Variants in SKAP2 observed in about 807,000 individuals in gnomAD.
SKAP2 encodes src kinase-associated phosphoprotein 2.
In SKAP2, 28 loss-of-function variants were observed where a neutral mutation model predicts 54.9. The ratio of observed to expected loss-of-function variants is 0.51; its 90% CI spans 0.38 to 0.70. SKAP2 has a LOEUF of 0.70. SKAP2 is among the 30% of genes least tolerant of loss of function. The pLI is 0.00. For missense variants in SKAP2, 356 were observed against 424.1 expected (o/e 0.84, Z 1.41); for synonymous variants, 137 against 134.3 (o/e 1.02, Z -0.14).
chr7:26,754,203 A>C (rs779772132), intron 4 of SKAP2, among the ~76,000 whole-genome samples: 4 of 152,040 alleles, frequency 2.6e-5, no homozygotes, highest in African/African-American at 4.8e-5. Flanking sequence ...TTCTCCACTG[A>C]AAATACAAAA....
At chr7:26,739,840 T>C in intron 5 of SKAP2, 47 bp downstream of exon 5, 1 of 1,339,046 alleles carries the variant, frequency 7.5e-7, no homozygotes, top group Non-Finnish European at 1.1e-6. Context: ...ATGTTCTATC[T>C]AAGGATGAAA....
At chr7:26,684,907 A>G (rs1786597157) in intron 10 of SKAP2, 59 bp from the exon 11 acceptor site, 3 of 953,154 alleles carry the variant, frequency 3.1e-6, no homozygotes, top group Admixed American at 4.0e-5. Context: ...CCCTCATTTC[A>G]AAATTAACCA....
chr7:26,758,140 G>A (rs902329245), intron 4 of SKAP2, among the ~76,000 whole-genome samples: 18 of 151,892 alleles, frequency 1.2e-4, no homozygotes, highest in African/African-American at 4.1e-4. Context: ...TAAAACTCAG[G>A]AAAAAAGTCT....
intron 1 of SKAP2, among the ~76,000 whole-genome samples, chr7:26,860,404 A>G (rs991759399): frequency 6.6e-6 from 1 of 152,170 alleles, no homozygotes; most frequent in African/African-American, 2.4e-5. Flanking sequence ...AGAAAAGAAT[A>G]TCTTGGAGGT....
chr7:26,805,684 G>A (rs563488708), intron 4 of SKAP2, among the ~76,000 whole-genome samples: 3 of 152,184 alleles, frequency 2.0e-5, no homozygotes, highest in African/African-American at 2.4e-5. Context: ...TCAAACTTTC[G>A]GATCACTGCA....
intron 4 of SKAP2, among the ~76,000 whole-genome samples, chr7:26,802,537 T>C (rs1783937817): frequency 1.3e-5 from 2 of 152,076 alleles, no homozygotes; most frequent in African/African-American, 2.4e-5. Flanking sequence ...TCCCAAAGTG[T>C]TGGGATTATA....
chr7:26,785,873 T>A (rs1445632827), intron 4 of SKAP2, among the ~76,000 whole-genome samples: 1 of 152,162 alleles, frequency 6.6e-6, no homozygotes, highest in Non-Finnish European at 1.5e-5. Flanking sequence ...ATGCTCCATC[T>A]ACCATAAGAC....
At chr7:26,759,879 A>G (rs575521430) in intron 4 of SKAP2, among the ~76,000 whole-genome samples, 15 of 152,328 alleles carry the variant, frequency 9.8e-5, no homozygotes, top group African/African-American at 3.4e-4. Context: ...TGTGTGAAGT[A>G]AAAGTGACAG....
intron 4 of SKAP2, among the ~76,000 whole-genome samples, chr7:26,831,711 A>C (rs1784599352): frequency 6.6e-6 from 1 of 152,170 alleles, no homozygotes; most frequent in African/African-American, 2.4e-5. Context: ...AAAGTTAAGA[A>C]ATTTGCTGGA....
At chr7:26,718,563 T>G (rs912259621) in intron 9 of SKAP2, among the ~76,000 whole-genome samples, 2 of 152,010 alleles carry the variant, frequency 1.3e-5, no homozygotes, top group Non-Finnish European at 2.9e-5. Context: ...CAGGCTGGAG[T>G]GCAGTGGTGA....
chr7:26,850,116 T>G lies in SKAP2; in HGVS notation c.199+4021A>C, dbSNP rs112708166. On this transcript the variant is annotated intron_variant, in intron 3 of 12. Coordinates refer to ENST00000345317, the MANE Select transcript of SKAP2 (RefSeq NM_003930.5). ...TTACTAAATAGTAACATATTCTCAT[T>G]GCAAAAATAATTATTTCAAGTCAAC... is the stretch of plus-strand genomic sequence containing the variant. Among the ~76,000 whole-genome samples the G allele has an allele frequency of 2.7e-3, 412 of 152,324 alleles. 4 individuals are homozygous for G. Among genetic ancestry groups the G allele is most frequent in the African/African-American group, 9.5e-3 (394 of 41,580 alleles).
chr7:26,778,778 T>C (rs1294804300), intron 4 of SKAP2, among the ~76,000 whole-genome samples: 2 of 151,982 alleles, frequency 1.3e-5, no homozygotes, highest in African/African-American at 4.8e-5. Flanking sequence ...ACAAATTACA[T>C]ACATATTGTA....
intron 1 of SKAP2, among the ~76,000 whole-genome samples, chr7:26,859,291 C>T (rs1785235040): frequency 6.6e-6 from 1 of 151,422 alleles, no homozygotes; most frequent in South Asian, 2.1e-4. Flanking sequence ...AAAAGACATG[C>T]TCTTCTCTGT....
intron 4 of SKAP2, among the ~76,000 whole-genome samples, chr7:26,765,674 G>C (rs768768574): frequency 6.6e-6 from 1 of 152,144 alleles, no homozygotes; most frequent in Non-Finnish European, 1.5e-5. Flanking sequence ...TCCGGTTTCA[G>C]TTTTCTGCAT....
At position 26,838,874 on chromosome 7, in the gene SKAP2, T is replaced by C. The variant is rs957501661; in HGVS notation, c.307+5156A>G. Among the ~76,000 whole-genome samples the C allele has an allele frequency of 3.9e-5, 6 of 152,316 alleles. 1 individual carries two copies. Among genetic ancestry groups the C allele is most frequent in the East Asian group, 1.9e-4 (1 of 5,188 alleles). On this transcript the variant is annotated intron_variant, in intron 4 of 12. Transcript: ENST00000345317. ...AGATTGCTAGTTACCTTATTCTAGG[T>C]GATTATCTTCTCCTGCCATCTAGAT... is the stretch of plus-strand genomic sequence containing the variant.
At chr7:26,815,212 A>G (rs560634152) in intron 4 of SKAP2, among the ~76,000 whole-genome samples, 2 of 152,282 alleles carry the variant, frequency 1.3e-5, no homozygotes, top group African/African-American at 4.8e-5. Context: ...TGCAGTAATA[A>G]CAGGATTTTA....
chr7:26,745,125 A>C (rs1011689824), intron 4 of SKAP2, among the ~76,000 whole-genome samples: 12 of 151,070 alleles, frequency 7.9e-5, no homozygotes, highest in Non-Finnish European at 1.3e-4. Context: ...GCATTTATAT[A>C]GTTTTCAACA....
chr7:26,664,234 G>T (rs375929542), downstream of SKAP2, among the ~76,000 whole-genome samples: 4 of 152,082 alleles, frequency 2.6e-5, no homozygotes, highest in African/African-American at 4.8e-5. Flanking sequence ...TTTCCTAATC[G>T]GGAAAATGGT....
At chr7:26,665,310 A>G (rs1040324031), downstream of SKAP2, among the ~76,000 whole-genome samples, 22 of 152,206 alleles carry the variant, frequency 1.4e-4, no homozygotes, top group African/African-American at 5.3e-4. Context: ...GAAAGGAAGG[A>G]AACATCTAAG....
Sources: gnomAD v4.1 joint callset for allele counts (sites outside exome capture counted in the v4.1 genomes callset) on GRCh38, gnomAD v4.1.1 for gene constraint, MANE v1.5 for transcripts, NCBI Gene and HGNC (gene_info 2026-07-23, HGNC 2026-07-21) for gene names.